Variants in TENM3 observed in about 807,000 individuals in gnomAD.
TENM3 encodes teneurin transmembrane protein 3, also known as teneurin-3.
TENM3 carries 63 observed loss-of-function variants against 255.1 expected under a neutral mutation model. The observed-to-expected ratio is 0.25, with a 90% CI of 0.20 to 0.30. TENM3 has a LOEUF of 0.30. TENM3 is among the 10% of genes least tolerant of loss of function. The pLI, the probability that TENM3 is intolerant of heterozygous loss-of-function variation, is 1.00. For synonymous variants in TENM3, 1,306 were observed against 1,322.3 expected, an observed-to-expected ratio of 0.99 and a Z score of 0.27; for missense variants, 2,929 against 3,461.1, an observed-to-expected ratio of 0.85 and a Z score of 3.86.
chr4:182,648,125 C>T lies in TENM3; in HGVS notation c.989-5646C>T, dbSNP rs1379842426. Among the ~76,000 whole-genome samples, 7 of 152,068 alleles carry T rather than the reference C, an allele frequency of 4.6e-5. No homozygotes were observed. The South Asian group carries it at 8.3e-4, about 18-fold the overall frequency. On this transcript the variant is annotated intron_variant, in intron 5 of 27. Coordinates refer to ENST00000511685, the MANE Select transcript of TENM3 (RefSeq NM_001080477.4). The stretch of plus-strand genomic sequence containing the variant: ...CATCTGCATTTATTTGTTACCTCTT[C>T]GGGCTGGAGCACAGACCATCACAGT...
At chr4:182,594,583 A>G (rs1450383411) in intron 3 of TENM3, among the ~76,000 whole-genome samples, 2 of 151,652 alleles carry the variant, frequency 1.3e-5, no homozygotes, top group Non-Finnish European at 2.9e-5. Context: ...GTGTGTTCTC[A>G]CTTCTGGTGA....
At chr4:181,510,776 ACT>A in the TENM3 span, among the ~76,000 whole-genome samples, 2 of 152,098 alleles carry the variant, frequency 1.3e-5, no homozygotes, top group Admixed American at 6.6e-5. Context: ...GGAGGGAGTG[ACT>A]CTCTAAGGAG....
At chr4:181,771,519 TG>T in the TENM3 span, among the ~76,000 whole-genome samples, 1 of 152,200 alleles carries the variant, frequency 6.6e-6, no homozygotes, top group Non-Finnish European at 1.5e-5. Context: ...ATGTCAATGA[TG>T]GGAATGTATC....
chr4:182,471,803 T>G (rs1279800784), intron 3 of TENM3, among the ~76,000 whole-genome samples: 2 of 152,202 alleles, frequency 1.3e-5, no homozygotes, highest in Non-Finnish European at 2.9e-5. Context: ...GTACATCATA[T>G]GTCTTATTCA....
upstream of TENM3, among the ~76,000 whole-genome samples, chr4:182,242,619 G>C (rs574996086): frequency 6.6e-6 from 1 of 152,040 alleles, no homozygotes; most frequent in Non-Finnish European, 1.5e-5. Flanking sequence ...AAATTAACCC[G>C]ATGTGGTGGC....
At chr4:181,496,687 C>T in the TENM3 span, among the ~76,000 whole-genome samples, 4 of 152,162 alleles carry the variant, frequency 2.6e-5, no homozygotes, top group East Asian at 1.9e-4. Flanking sequence ...GCAATATGCA[C>T]GTGCCAAATG....
chr4:182,764,562 G>A (rs1315130966), intron 22 of TENM3, among the ~76,000 whole-genome samples: 2 of 152,224 alleles, frequency 1.3e-5, no homozygotes, highest in Non-Finnish European at 2.9e-5. Context: ...GTTGCAAGTT[G>A]TGAATAAAGG....
intron 3 of TENM3, among the ~76,000 whole-genome samples, chr4:182,520,899 C>G (rs1233527423): frequency 6.6e-6 from 1 of 152,102 alleles, no homozygotes; most frequent in Non-Finnish European, 1.5e-5. Flanking sequence ...GGTGAATTCC[C>G]TTGCCGTTGC....
intron 1 of TENM3, among the ~76,000 whole-genome samples, chr4:182,227,059 C>G (rs1414377300): frequency 1.3e-5 from 2 of 152,168 alleles, no homozygotes; most frequent in African/African-American, 2.4e-5. Context: ...TATCATCCAG[C>G]AACCTCTATC....
intron 2 of TENM3, among the ~76,000 whole-genome samples, chr4:182,327,461 TATG>T (rs1763485663): frequency 6.6e-6 from 1 of 152,064 alleles, no homozygotes; most frequent in African/African-American, 2.4e-5. Context: ...AATCGAGAAA[TATG>T]ATGTTTTTAT....
At chr4:182,531,588 TC>T (rs1158832961) in intron 3 of TENM3, among the ~76,000 whole-genome samples, 4 of 152,118 alleles carry the variant, frequency 2.6e-5, no homozygotes, top group African/African-American at 9.7e-5. Context: ...TACAGCAAAG[TC>T]AGCAAAAGGA....
the TENM3 span, among the ~76,000 whole-genome samples, chr4:181,485,896 A>G: frequency 0.025 from 3,762 of 152,234 alleles, 111 homozygotes; most frequent in South Asian, 0.13. Context: ...AAAATGTTAA[A>G]TGCAAAGATT....
Position 182,800,413 on chromosome 4 carries a change from G to T in TENM3, c.*62G>T. ...CCCACATTGTCCTGTGGCACAACCC[G>T]AGTGGGACTCTCCAACGCCCAAGAG... On this transcript the variant is annotated 3_prime_UTR_variant, in exon 28 of 28. Coordinates refer to ENST00000511685, the MANE Select transcript of TENM3 (RefSeq NM_001080477.4). 1 of 1,480,386 alleles carries T rather than the reference G, an allele frequency of 6.8e-7. No homozygotes were observed. Among genetic ancestry groups the T allele is most frequent in the Non-Finnish European group, 9.0e-7 (1 of 1,116,628 alleles). 91.7% of individuals were successfully genotyped at this position (1,480,386 alleles called of 1,614,324 possible).
the TENM3 span, among the ~76,000 whole-genome samples, chr4:181,608,945 T>C: frequency 1.9e-4 from 29 of 152,084 alleles, no homozygotes; most frequent in African/African-American, 6.5e-4. Flanking sequence ...GTTTTGGGGG[T>C]TTCCAAAGAC....
intron 2 of TENM3, among the ~76,000 whole-genome samples, chr4:182,345,085 T>A (rs1764721663): frequency 6.6e-6 from 1 of 152,206 alleles, no homozygotes. Flanking sequence ...CACACTTTGA[T>A]TTGCAGCTAA....
the TENM3 span, among the ~76,000 whole-genome samples, chr4:181,777,736 T>C: frequency 2.0e-5 from 3 of 152,136 alleles, no homozygotes; most frequent in Non-Finnish European, 4.4e-5. Context: ...GAATATCACA[T>C]AGAAATTTTT....
At chr4:182,414,411 TAAAA>T (rs745912708) in intron 3 of TENM3, among the ~76,000 whole-genome samples, 9 of 152,214 alleles carry the variant, frequency 5.9e-5, no homozygotes, top group Non-Finnish European at 8.8e-5. Flanking sequence ...TCATTTCTTT[TAAAA>T]GAAGAACTCT....
intron 1 of TENM3, among the ~76,000 whole-genome samples, chr4:182,320,779 G>A (rs147300943): frequency 2.0e-4 from 31 of 152,276 alleles, no homozygotes; most frequent in African/African-American, 7.5e-4. Context: ...GTCAACAAAT[G>A]CAAGGGCTGT....
intron 3 of TENM3, among the ~76,000 whole-genome samples, chr4:182,510,352 C>G (rs996697022): frequency 1.3e-5 from 2 of 152,174 alleles, no homozygotes; most frequent in Admixed American, 1.3e-4. Context: ...GCCTTATTTT[C>G]TCTACTCTGA....
Sources: allele counts gnomAD v4.1 joint callset (sites outside exome capture counted in the v4.1 genomes callset), GRCh38; gene constraint gnomAD v4.1.1; transcripts MANE v1.5; gene names NCBI Gene and HGNC (gene_info 2026-07-23, HGNC 2026-07-21).